The following ATP9B variants were observed in gnomAD, a reference collection of about 807,000 sequenced individuals.
The protein encoded by ATP9B is probable phospholipid-transporting ATPase IIB.
ATP9B carries 110 observed loss-of-function variants against 146.1 expected under a neutral mutation model. The observed-to-expected ratio is 0.75, with a 90% CI of 0.65 to 0.88. The LOEUF (loss-of-function observed/expected upper bound fraction) is 0.88. Among genes scored for constraint, ATP9B ranks in the 40% least tolerant of loss-of-function variants. ATP9B has a pLI of 0.00. For missense variants in ATP9B, 1,499 were observed against 1,496.4 expected, an observed-to-expected ratio of 1.00 and a Z score of -0.03; for synonymous variants, 604 against 569.7, an observed-to-expected ratio of 1.06 and a Z score of -0.86.
Position 79,145,360 on chromosome 18 carries a change from G to C in ATP9B, c.726+1500G>C, listed in dbSNP as rs1283008808. On this transcript the variant is annotated intron_variant, in intron 6 of 29. Transcript: ENST00000426216. ...TGACTGAAGGTGCAGGCTGCATGTC[G>C]GGGGAGCTGGCGGTGTGCAGAGTGA... is the stretch of plus-strand genomic sequence containing the variant. 23 of 113,516 alleles carry C rather than the reference G, an allele frequency of 2.0e-4. No individual in the cohort carries two copies. In the South Asian group the frequency reaches 3.0e-3, roughly 15 times the overall value. 7.0% of individuals were successfully genotyped at this position (113,516 alleles called of 1,614,324 possible). A position where few individuals can be genotyped will look rare whatever the true frequency, so the allele number is the denominator to read the frequency against.
chr18:79,303,766 C>A, intron 14 of ATP9B, 50 bp downstream of exon 14: 1 of 1,381,384 alleles, frequency 7.2e-7, no homozygotes, highest in South Asian at 1.2e-5. Context: ...CATCCCGCGC[C>A]ATGAGTCCAG....
intron 4 of ATP9B, among the ~76,000 whole-genome samples, chr18:79,125,802 C>T (rs894889257): frequency 6.6e-6 from 1 of 152,058 alleles, no homozygotes; most frequent in Non-Finnish European, 1.5e-5. Context: ...TAATAATGCA[C>T]TATGTAAGAA....
intron 7 of ATP9B, among the ~76,000 whole-genome samples, chr18:79,168,283 G>C (rs565660199): frequency 2.6e-5 from 4 of 152,068 alleles, no homozygotes; most frequent in Admixed American, 2.0e-4. Flanking sequence ...TGCATCCTGC[G>C]GGGGGATAGA....
intron 5 of ATP9B, 48 bp from the exon 6 acceptor site, chr18:79,143,754 G>C: frequency 8.4e-7 from 1 of 1,189,906 alleles, no homozygotes; most frequent in Non-Finnish European, 1.2e-6. Context: ...GTTGAACTTG[G>C]GTGTGCTGTT....
chr18:79,113,728 C>T (rs1004839097), intron 4 of ATP9B, among the ~76,000 whole-genome samples: 1 of 152,176 alleles, frequency 6.6e-6, no homozygotes, highest in Non-Finnish European at 1.5e-5. Context: ...ACACCCTGAC[C>T]ATGGTGAGCA....
In ATP9B at chr18:79,377,608, G is replaced by C. The variant is rs973396613; in HGVS notation, c.*225G>C. 1.6e-4 allele frequency: 96 copies of C among 595,048 alleles called. 1 individual carries two copies. In the Middle Eastern group the frequency reaches 2.7e-3, roughly 17 times the overall value. 36.9% of individuals were successfully genotyped at this position (595,048 alleles called of 1,614,324 possible). On this transcript the variant is annotated 3_prime_UTR_variant, in exon 30 of 30. Coordinates refer to ENST00000426216, the MANE Select transcript of ATP9B (RefSeq NM_198531.5). ...AGCCCAGGGCACAGATGCCAGGATG[G>C]CTTCTCCCTCTCAGTGCGAGGCTTC... is the stretch of plus-strand genomic sequence containing the variant.
intron 4 of ATP9B, among the ~76,000 whole-genome samples, chr18:79,120,555 A>G (rs1468629607): frequency 6.6e-6 from 1 of 152,170 alleles, no homozygotes; most frequent in Non-Finnish European, 1.5e-5. Context: ...AGTTGATTTC[A>G]TTACATTTTT....
chr18:79,355,959 C>T (rs1237607259), intron 25 of ATP9B, among the ~76,000 whole-genome samples: 1 of 152,190 alleles, frequency 6.6e-6, no homozygotes, highest in Non-Finnish European at 1.5e-5. Flanking sequence ...GCACGGCACA[C>T]TGCAGCCAGT....
intron 5 of ATP9B, among the ~76,000 whole-genome samples, chr18:79,140,935 T>C (rs2094506358): frequency 6.6e-6 from 1 of 152,150 alleles, no homozygotes. Context: ...TTCTGAAAAA[T>C]AATGGAAGGG....
At chr18:79,089,814 G>A (rs2074164472) in intron 1 of ATP9B, among the ~76,000 whole-genome samples, 1 of 152,136 alleles carries the variant, frequency 6.6e-6, no homozygotes, top group South Asian at 2.1e-4. Flanking sequence ...TACACAATAA[G>A]TTACTCTTAA....
chr18:79,082,348 C>T (rs1452477935), intron 1 of ATP9B, among the ~76,000 whole-genome samples: 2 of 152,172 alleles, frequency 1.3e-5, no homozygotes, highest in African/African-American at 2.4e-5. Flanking sequence ...TGGGTTAGAA[C>T]ATGCTTCTTT....
chr18:79,181,598 G>GC (rs1291298969), intron 8 of ATP9B, among the ~76,000 whole-genome samples: 3 of 151,456 alleles, frequency 2.0e-5, no homozygotes, highest in Non-Finnish European at 4.4e-5. Flanking sequence ...CTTTTTCTCA[G>GC]CCTTTTTTTT....
intron 12 of ATP9B, among the ~76,000 whole-genome samples, chr18:79,255,653 C>G (rs1227621644): frequency 6.6e-6 from 1 of 152,224 alleles, no homozygotes; most frequent in Non-Finnish European, 1.5e-5. Context: ...GCTTCTGCTC[C>G]TAGAGCTGCA....
intron 8 of ATP9B, among the ~76,000 whole-genome samples, chr18:79,190,511 T>TACACACAC (rs68063845): frequency 0.037 from 5,368 of 143,470 alleles, 119 homozygotes; most frequent in East Asian, 0.12. Flanking sequence ...TTTTTATTTA[T>TACACACAC]ACACACACAC....
At chr18:79,072,025 A>G (rs1166668457) in intron 1 of ATP9B, among the ~76,000 whole-genome samples, 1 of 151,396 alleles carries the variant, frequency 6.6e-6, no homozygotes, top group Non-Finnish European at 1.5e-5. Flanking sequence ...TCCAGTGTTA[A>G]GAAAGTTGGA....
chr18:79,190,900 T>C (rs548447629), intron 8 of ATP9B, among the ~76,000 whole-genome samples: 6 of 152,120 alleles, frequency 3.9e-5, no homozygotes, highest in Admixed American at 6.5e-5. Context: ...TGGGGGTTTT[T>C]TTTAAATATT....
At chr18:79,269,752 G>T (rs1411721823) in intron 12 of ATP9B, among the ~76,000 whole-genome samples, 1 of 152,220 alleles carries the variant, frequency 6.6e-6, no homozygotes, top group African/African-American at 2.4e-5. Flanking sequence ...TGTACTTGGA[G>T]ATACCCTCTG....
chr18:79,367,796 T>A (rs1007936333), intron 26 of ATP9B, among the ~76,000 whole-genome samples: 1 of 152,176 alleles, frequency 6.6e-6, no homozygotes, highest in Non-Finnish European at 1.5e-5. Context: ...CCCAGTAGTG[T>A]CATCAGTAGA....
intron 8 of ATP9B, among the ~76,000 whole-genome samples, chr18:79,181,441 TC>T (rs1404687670): frequency 1.3e-5 from 2 of 152,216 alleles, no homozygotes; most frequent in African/African-American, 4.8e-5. Context: ...TCCAAACCCC[TC>T]TGAGACATGA....
Sources: gnomAD v4.1 joint callset for allele counts (sites outside exome capture counted in the v4.1 genomes callset) on GRCh38, gnomAD v4.1.1 for gene constraint, MANE v1.5 for transcripts, NCBI Gene and HGNC (gene_info 2026-07-23, HGNC 2026-07-21) for gene names.